Variants in RFX4 observed in about 807,000 individuals in gnomAD.
RFX4 encodes transcription factor RFX4.
RFX4 carries 10 observed loss-of-function variants against 95.0 expected under a neutral mutation model. That is an observed-to-expected ratio of 0.11 (90% CI 0.06 to 0.18). RFX4 has a LOEUF of 0.18. Ranked by LOEUF, RFX4 falls within the 10% of genes least tolerant of loss-of-function variation. The pLI, the probability that RFX4 is intolerant of heterozygous loss-of-function variation, is 1.00. For missense variants in RFX4, 640 were observed against 922.0 expected (o/e 0.69, Z 3.96); for synonymous variants, 321 against 340.7 (o/e 0.94, Z 0.64).
intron 1 of RFX4, among the ~76,000 whole-genome samples, chr12:106,597,335 A>G (rs1365163365): frequency 1.3e-5 from 2 of 151,894 alleles, no homozygotes; most frequent in East Asian, 3.9e-4. Context: ...TTGTAAGGGG[A>G]GGATTAGAAT....
chr12:106,697,039 G>A (rs747854619), intron 8 of RFX4, among the ~76,000 whole-genome samples: 7 of 152,154 alleles, frequency 4.6e-5, no homozygotes, highest in Non-Finnish European at 1.0e-4. Context: ...GTGAAGTCAG[G>A]AGATGGATTA....
chr12:106,734,160 G>T (rs1479791601), intron 15 of RFX4, among the ~76,000 whole-genome samples: 33 of 152,160 alleles, frequency 2.2e-4, no homozygotes, highest in Non-Finnish European at 5.9e-5. Context: ...GAATGTCAGG[G>T]GCTGGAGGGA....
intron 1 of RFX4, among the ~76,000 whole-genome samples, chr12:106,604,115 CTTTTTTTT>C (rs1163891542): frequency 8.9e-6 from 1 of 112,810 alleles, no homozygotes; most frequent in South Asian, 3.2e-4. Flanking sequence ...GCTTCTCTCT[CTTTTTTTT>C]TTTTTTTTTT....
At chr12:106,719,069 C>T (rs2042348338) in intron 11 of RFX4, among the ~76,000 whole-genome samples, 1 of 152,028 alleles carries the variant, frequency 6.6e-6, no homozygotes, top group Non-Finnish European at 1.5e-5. Context: ...TTGCAGTGAG[C>T]CGAGATTGCG....
chr12:106,584,969 A>G (rs1018892223), intron 1 of RFX4, among the ~76,000 whole-genome samples: 4 of 152,222 alleles, frequency 2.6e-5, no homozygotes, highest in East Asian at 1.9e-4. Context: ...TGAGGTCTCT[A>G]CTGGCGGTAA....
chr12:106,695,008 G>T (rs2041853581), intron 7 of RFX4, among the ~76,000 whole-genome samples: 1 of 152,154 alleles, frequency 6.6e-6, no homozygotes, highest in African/African-American at 2.4e-5. Flanking sequence ...CTGCACTCCA[G>T]CCTGGGTGAC....
In RFX4 at chr12:106,703,926, C is replaced by T. The variant is rs999621995; in HGVS notation, c.834-5404C>T. 4.6e-5 allele frequency among the ~76,000 whole-genome samples: 7 copies of T among 151,910 alleles called. 1 individual carries two copies. Among genetic ancestry groups the T allele is most frequent in the African/African-American group, 1.4e-4 (6 of 41,392 alleles). Reference sequence around the variant, plus strand: ...ACGAAAAATACAAAAATTAGCTGGGCGTGGTGGCAGGCACCTGTAATCCCA... The same window carrying T: ...ACGAAAAATACAAAAATTAGCTGGGTGTGGTGGCAGGCACCTGTAATCCCA... On this transcript the variant is annotated intron_variant, in intron 8 of 17. Coordinates refer to ENST00000392842, the MANE Select transcript of RFX4 (RefSeq NM_213594.3).
In RFX4 at chr12:106,761,555, A is replaced by G. The variant is rs1365084922; in HGVS notation, c.*86A>G. On this transcript the variant is annotated 3_prime_UTR_variant, in exon 18 of 18. Coordinates refer to ENST00000392842, the MANE Select transcript of RFX4 (RefSeq NM_213594.3). ...CAACACCCATCCCCCAGAAGACTTT[A>G]TCTCTATACATTGTAACTCATGGGC... 9.9e-7 allele frequency: 1 copy of G among 1,009,482 alleles called. No homozygotes were observed. The highest frequency in any genetic ancestry group is 3.7e-5 in the East Asian group (1 of 27,114). 62.5% of individuals were successfully genotyped at this position (1,009,482 alleles called of 1,614,324 possible).
rs148746695 is a variant in RFX4, at chr12:106,602,204, G to A, written c.44-6593G>A. On this transcript the variant is annotated intron_variant, in intron 1 of 17. Coordinates refer to ENST00000392842, the MANE Select transcript of RFX4 (RefSeq NM_213594.3). Reference sequence around the variant, plus strand: ...GTCAAGTCTCTGCTTCAGTTGCTGCGAGCAACAGAGATGAAGCATGTGGAG... The same window carrying A: ...GTCAAGTCTCTGCTTCAGTTGCTGCAAGCAACAGAGATGAAGCATGTGGAG... 3.9e-4 allele frequency among the ~76,000 whole-genome samples: 60 copies of A among 152,234 alleles called. 3 individuals carry two copies. In the East Asian group the frequency reaches 0.011, roughly 27 times the overall value.
At chr12:106,604,785 A>T (rs888424437) in intron 1 of RFX4, among the ~76,000 whole-genome samples, 1 of 152,366 alleles carries the variant, frequency 6.6e-6, no homozygotes, top group Middle Eastern at 3.4e-3. Context: ...CTGACAAAGA[A>T]TATGGAAATG....
chr12:106,704,038 C>T (rs965579157), intron 8 of RFX4, among the ~76,000 whole-genome samples: 7 of 136,248 alleles, frequency 5.1e-5, no homozygotes, highest in Admixed American at 4.0e-4. Flanking sequence ...TGCACTCCAG[C>T]CTGGGTGACA....
chr12:106,631,995 A>T (rs191253022), intron 2 of RFX4, among the ~76,000 whole-genome samples: 1 of 152,326 alleles, frequency 6.6e-6, no homozygotes, highest in East Asian at 1.9e-4. Context: ...AATACTCATG[A>T]CAGCTGTATG....
chr12:106,636,488 G>GT (rs1397084146), intron 2 of RFX4, among the ~76,000 whole-genome samples: 1 of 152,118 alleles, frequency 6.6e-6, no homozygotes, highest in Non-Finnish European at 1.5e-5. Context: ...GAAGCACAGA[G>GT]TTAGGATCAA....
At chr12:106,630,380 G>T (rs1793134374) in intron 2 of RFX4, among the ~76,000 whole-genome samples, 1 of 152,226 alleles carries the variant, frequency 6.6e-6, no homozygotes, top group African/African-American at 2.4e-5. Flanking sequence ...CCCAGAGGAG[G>T]CGAGAGGAAG....
chr12:106,715,292 T>C, intron 10 of RFX4, 108 bp from the exon 11 acceptor site: 1 of 1,278,698 alleles, frequency 7.8e-7, no homozygotes, highest in Non-Finnish European at 1.1e-6. Context: ...AATTTCAGGG[T>C]AGTTTGCAAA....
Position 106,737,179 on chromosome 12 carries a change from T to G in RFX4, c.1633+4094T>G, listed in dbSNP as rs1403641082. Among the ~76,000 whole-genome samples, 184 of 85,834 alleles carry G rather than the reference T, an allele frequency of 2.1e-3. 1 individual carries two copies. Among genetic ancestry groups the G allele is most frequent in the Non-Finnish European group, 3.5e-3 (150 of 43,076 alleles). The allele number at this position is 85,834 out of a possible 152,430, so 56.3% of individuals were successfully genotyped here. A position where few individuals can be genotyped will look rare whatever the true frequency, so the allele number is the denominator to read the frequency against. On this transcript the variant is annotated intron_variant, in intron 15 of 17. Transcript: ENST00000392842. Reference sequence around the variant, plus strand: ...GAACTAAAGTTTTTTTTTTTTTTTTTTTTTTTTTTTTTTTTTTTTTTTTGA... The same window carrying G: ...GAACTAAAGTTTTTTTTTTTTTTTTGTTTTTTTTTTTTTTTTTTTTTTTGA...
intron 11 of RFX4, among the ~76,000 whole-genome samples, chr12:106,716,244 C>T (rs996466079): frequency 5.3e-5 from 8 of 152,072 alleles, no homozygotes; most frequent in Admixed American, 1.3e-4. Context: ...GATCCATAGG[C>T]GTCTACAGGC....
intron 13 of RFX4, among the ~76,000 whole-genome samples, chr12:106,724,435 T>C (rs1268186720): frequency 6.6e-6 from 1 of 152,214 alleles, no homozygotes; most frequent in Non-Finnish European, 1.5e-5. Context: ...CATGCCACAA[T>C]AGAGCTAGAA....
At chr12:106,714,416 G>A (rs1027680473) in intron 10 of RFX4, among the ~76,000 whole-genome samples, 7 of 152,286 alleles carry the variant, frequency 4.6e-5, no homozygotes, top group Middle Eastern at 3.4e-3. Flanking sequence ...CCTTTAAAGA[G>A]TTCTACAATT....
Sources: gnomAD v4.1 joint callset for allele counts (sites outside exome capture counted in the v4.1 genomes callset) on GRCh38, gnomAD v4.1.1 for gene constraint, MANE v1.5 for transcripts, NCBI Gene and HGNC (gene_info 2026-07-23, HGNC 2026-07-21) for gene names.